Variants in TDRD5 observed in about 807,000 individuals in gnomAD.
TDRD5 encodes the protein tudor domain containing 5, also known as tudor domain-containing protein 5.
Under a neutral mutation model 120.6 loss-of-function variants are expected in TDRD5, and 41 were observed. That is an observed-to-expected ratio of 0.34 (90% CI 0.26 to 0.44). The LOEUF is 0.44. TDRD5 is among the 20% of genes least tolerant of loss of function. TDRD5 has a pLI of 1.00. For synonymous variants in TDRD5, 430 were observed against 433.7 expected, an observed-to-expected ratio of 0.99 and a Z score of 0.11; for missense variants, 1,006 against 1,221.2, an observed-to-expected ratio of 0.82 and a Z score of 2.63.
chr1:179,610,454 G>T (rs997399191), intron 4 of TDRD5, among the ~76,000 whole-genome samples: 2 of 152,128 alleles, frequency 1.3e-5, no homozygotes, highest in Admixed American at 1.3e-4. Flanking sequence ...TTTCATCAAA[G>T]AAAGTCTTCA....
chr1:179,650,802 T>G, intron 11 of TDRD5, 65 bp from the exon 12 acceptor site: 1 of 1,513,362 alleles, frequency 6.6e-7, no homozygotes, highest in Non-Finnish European at 9.2e-7. Flanking sequence ...TTCATTGTTG[T>G]ATATGGTTAT....
chr1:179,613,805 T>TTGGGGAG (rs1676413353), intron 4 of TDRD5, among the ~76,000 whole-genome samples: 1 of 152,112 alleles, frequency 6.6e-6, no homozygotes, highest in South Asian at 2.1e-4. Context: ...ACTTAGGGAT[T>TTGGGGAG]TGGGGAGTGG....
At chr1:179,605,146 A>T (rs149320611) in intron 4 of TDRD5, among the ~76,000 whole-genome samples, 1,584 of 152,202 alleles carry the variant, frequency 0.01, 31 homozygotes, top group African/African-American at 0.035. Context: ...GTCTCTTTTA[A>T]CTGCTGTTGC....
chr1:179,668,497 T>C (rs1679670425), intron 16 of TDRD5, among the ~76,000 whole-genome samples: 1 of 152,190 alleles, frequency 6.6e-6, no homozygotes, highest in African/African-American at 2.4e-5. Context: ...TAGTATCACC[T>C]ACCTAGGACA....
rs774952714 is a variant in TDRD5 at position 179,690,916 on chromosome 1, C to T, written c.3081C>T (p.Tyr1027=). The T allele has an allele frequency of 6.2e-7, 1 of 1,613,320 alleles. No individual in the cohort carries two copies. The highest frequency in any genetic ancestry group is 8.5e-7 in the Non-Finnish European group (1 of 1,179,780). ...LATSRSLLHW[Y]PSVKRMEA is the part of the protein sequence containing the mutation. ...CATCCAGGAGCCTCCTACACTGGTA[C>T]CCCAGTGTGAAAAGGATGGAAGCAT... Residue 1027 remains tyrosine, a synonymous_variant, in exon 18 of 18, where the codon TAC becomes TAT. Transcript: ENST00000444136.
chr1:179,609,038 G>A (rs1676142365), intron 4 of TDRD5, among the ~76,000 whole-genome samples: 1 of 152,008 alleles, frequency 6.6e-6, no homozygotes, highest in Non-Finnish European at 1.5e-5. Flanking sequence ...ATGAAGGTGG[G>A]GTCCTTATGA....
chr1:179,626,366 T>G (rs183205827), intron 6 of TDRD5, among the ~76,000 whole-genome samples: 7 of 152,156 alleles, frequency 4.6e-5, no homozygotes, highest in Non-Finnish European at 7.4e-5. Flanking sequence ...AAAGATAATC[T>G]ATGGTGGAAA....
intron 11 of TDRD5, among the ~76,000 whole-genome samples, chr1:179,644,231 TAATA>T (rs1412787771): frequency 6.6e-6 from 1 of 152,192 alleles, no homozygotes; most frequent in Non-Finnish European, 1.5e-5. Context: ...GGAAAATGGT[TAATA>T]TGTGGGCAAA....
At chr1:179,646,829 A>G (rs1678395634) in intron 11 of TDRD5, among the ~76,000 whole-genome samples, 1 of 152,092 alleles carries the variant, frequency 6.6e-6, no homozygotes, top group Admixed American at 6.5e-5. Flanking sequence ...GAGCCAAATC[A>G]TGAGTGAACT....
intron 17 of TDRD5, among the ~76,000 whole-genome samples, chr1:179,670,391 CAA>C (rs750042297): frequency 0.028 from 2,896 of 102,710 alleles, 70 homozygotes; most frequent in African/African-American, 0.093. Flanking sequence ...GACTCCGTCT[CAA>C]AAAAAAAAAA....
At chr1:179,636,399 A>G (rs1677765969) in intron 9 of TDRD5, among the ~76,000 whole-genome samples, 1 of 152,214 alleles carries the variant, frequency 6.6e-6, no homozygotes, top group South Asian at 2.1e-4. Context: ...TATTATGTTA[A>G]AATCCACTGG....
intron 7 of TDRD5, 134 bp downstream of exon 7, chr1:179,631,054 A>G: frequency 1.0e-6 from 1 of 964,326 alleles, no homozygotes; most frequent in Non-Finnish European, 1.5e-6. Context: ...TGTTGTAATA[A>G]GGTTAATCTG....
At chr1:179,627,716 T>C (rs1677204780) in intron 6 of TDRD5, among the ~76,000 whole-genome samples, 1 of 152,192 alleles carries the variant, frequency 6.6e-6, no homozygotes, top group Non-Finnish European at 1.5e-5. Context: ...GCCTATCAAA[T>C]ATATTTAATT....
chr1:179,654,909 A>G (rs1013189754), intron 14 of TDRD5, among the ~76,000 whole-genome samples: 1 of 152,204 alleles, frequency 6.6e-6, no homozygotes, highest in African/African-American at 2.4e-5. Context: ...GGTCTTCAAG[A>G]ATTATACAGT....
At chr1:179,648,909 G>C (rs900104687) in intron 11 of TDRD5, among the ~76,000 whole-genome samples, 24 of 152,044 alleles carry the variant, frequency 1.6e-4, no homozygotes, top group African/African-American at 5.6e-4. Flanking sequence ...TATTTAATGA[G>C]GGTCAGCTGG....
intron 17 of TDRD5, among the ~76,000 whole-genome samples, chr1:179,686,132 G>A (rs1250618868): frequency 6.6e-6 from 1 of 152,126 alleles, no homozygotes; most frequent in Non-Finnish European, 1.5e-5. Context: ...GTTTTCAAAG[G>A]GAATGCTTCC....
At chr1:179,616,445 C>T (rs189887771) in intron 4 of TDRD5, among the ~76,000 whole-genome samples, 3 of 152,228 alleles carry the variant, frequency 2.0e-5, no homozygotes, top group East Asian at 3.9e-4. Flanking sequence ...AAAACTCTTG[C>T]CTAGAGAGTT....
At chr1:179,638,153 G>GT (rs1292450141) in intron 9 of TDRD5, among the ~76,000 whole-genome samples, 127 of 133,120 alleles carry the variant, frequency 9.5e-4, no homozygotes, top group East Asian at 1.6e-3. Context: ...AATACCATGG[G>GT]AAGATGTTTT....
At chr1:179,601,299 A>G (rs1237353274) in intron 4 of TDRD5, among the ~76,000 whole-genome samples, 4 of 152,134 alleles carry the variant, frequency 2.6e-5, no homozygotes, top group African/African-American at 9.7e-5. Flanking sequence ...TGGTTGAGGT[A>G]CAGGTGGTAT....
Sources: gnomAD v4.1 joint callset for allele counts (sites outside exome capture counted in the v4.1 genomes callset) on GRCh38, gnomAD v4.1.1 for gene constraint, MANE v1.5 for transcripts, NCBI Gene and HGNC (gene_info 2026-07-23, HGNC 2026-07-21) for gene names.